MYO10: variants seen among roughly 807,000 people sequenced by gnomAD.
MYO10 encodes the protein unconventional myosin-X.
MYO10 carries 133 observed loss-of-function variants against 257.3 expected under a neutral mutation model. The observed-to-expected ratio is 0.52, with a 90% confidence interval of 0.45 to 0.60. The LOEUF (loss-of-function observed/expected upper bound fraction) is 0.60. MYO10 is among the 20% of genes least tolerant of loss of function. MYO10 has a pLI of 0.00. For synonymous variants in MYO10, 1,104 were observed against 1,028.6 expected, an observed-to-expected ratio of 1.07 and a Z score of -1.40; for missense variants, 2,399 against 2,635.7, an observed-to-expected ratio of 0.91 and a Z score of 1.97.
In MYO10 at chr5:16,694,531, G is replaced by A; in HGVS notation, c.3640C>T (p.Leu1214Phe). The A allele has an allele frequency of 6.2e-7, 1 of 1,613,974 alleles. No individual in the cohort carries two copies. The highest frequency in any genetic ancestry group is 1.6e-4 in the Middle Eastern group (1 of 6,062). ...FLWFRSKQEA[L>F]KQGWLHKKGG... ...TTTTTGTGGAGCCAGCCTTGCTTGAGGGCCTCCTGCTTGGAGCGGAACCAC... is the reference window on the plus strand; with the variant it reads ...TTTTTGTGGAGCCAGCCTTGCTTGAAGGCCTCCTGCTTGGAGCGGAACCAC... The change falls in exon 27 of 41, where the codon CTC becomes TTC. Residue 1214 changes from leucine (L) to phenylalanine (F), a missense_variant. Physicochemically the swap from Leu to Phe is conservative, Grantham distance 22. Around this residue, in one of 3 missense-constraint regions of MYO10, gnomAD observed 1,820 missense variants for 1,939.4 expected, o/e 0.94. Coordinates refer to ENST00000513610, the MANE Select transcript of MYO10 (RefSeq NM_012334.3).
chr5:16,703,281 T>C (rs1738170879), intron 22 of MYO10, 123 bp from the exon 23 acceptor site: 3 of 715,188 alleles, frequency 4.2e-6, no homozygotes, highest in Admixed American at 2.9e-5. Flanking sequence ...ACTCTCATTA[T>C]GGAAACTGGA....
intron 2 of MYO10, among the ~76,000 whole-genome samples, chr5:16,849,113 G>A (rs902656395): frequency 1.3e-5 from 2 of 152,060 alleles, no homozygotes; most frequent in Admixed American, 6.6e-5. Flanking sequence ...GAGCCACGGC[G>A]CCTGGCAATT....
At chr5:16,777,338 C>A (rs776861427) in intron 9 of MYO10, among the ~76,000 whole-genome samples, 1 of 152,134 alleles carries the variant, frequency 6.6e-6, no homozygotes, top group Non-Finnish European at 1.5e-5. Context: ...GGAAAACAAT[C>A]ATGTATATAG....
rs1579768314 is a variant in MYO10 at position 16,662,626 on chromosome 5, C to CTA, written c.*4064_*4065dup. The CTA allele has an allele frequency of 4.6e-5, 7 of 152,132 alleles. 1 individual carries two copies. Among genetic ancestry groups the CTA allele is most frequent in the Admixed American group, 3.9e-4 (6 of 15,268 alleles). The allele number at this position is 152,132 out of a possible 1,614,324, so 9.4% of individuals were successfully genotyped here. On this transcript the variant is annotated 3_prime_UTR_variant, in exon 41 of 41. Transcript: ENST00000513610. ...CGTGAGCCAGCATGCCTGGCTGAAA[C>CTA]TATTTTTACAGAGAACTTAGGTGGT...
Position 16,817,998 on chromosome 5 carries a change from G to A in MYO10, c.279+11C>T. ...GAGGATCTTTTTAAAGGAATTACAA[G>A]TGGAACTTACATATATTTGATTTCT... On this transcript the variant is annotated intron_variant, in intron 3 of 40. Coordinates refer to ENST00000513610, the MANE Select transcript of MYO10 (RefSeq NM_012334.3). 4.0e-6 allele frequency: 6 copies of A among 1,515,512 alleles called. No individual in the cohort carries two copies. Among genetic ancestry groups the A allele is most frequent in the Non-Finnish European group, 4.5e-6 (5 of 1,118,144 alleles). The allele number at this position is 1,515,512 out of a possible 1,614,324, so 93.9% of individuals were successfully genotyped here.
chr5:16,749,088 T>C (rs1271513704), intron 19 of MYO10, among the ~76,000 whole-genome samples: 1 of 152,158 alleles, frequency 6.6e-6, no homozygotes, highest in Non-Finnish European at 1.5e-5. Flanking sequence ...TCACTTGATA[T>C]TCCATTTTCC....
intron 21 of MYO10, 136 bp downstream of exon 21, chr5:16,710,772 T>A: frequency 1.4e-6 from 1 of 714,322 alleles, no homozygotes; most frequent in Non-Finnish European, 2.3e-6. Flanking sequence ...AAGGTTATGG[T>A]AGGCATGGCA....
chr5:16,775,944 G>A (rs1741198246), intron 9 of MYO10, among the ~76,000 whole-genome samples: 1 of 151,928 alleles, frequency 6.6e-6, no homozygotes, highest in Non-Finnish European at 1.5e-5. Context: ...CGCCCAGGCT[G>A]GAGTGCAGTG....
intron 21 of MYO10, among the ~76,000 whole-genome samples, chr5:16,707,780 T>C (rs978919294): frequency 1.1e-4 from 16 of 152,170 alleles, no homozygotes; most frequent in African/African-American, 3.9e-4. Context: ...CCGTGAAGCA[T>C]CCGACAGGCC....
intron 2 of MYO10, among the ~76,000 whole-genome samples, chr5:16,869,463 C>T (rs1344745942): frequency 1.3e-5 from 2 of 152,058 alleles, no homozygotes; most frequent in African/African-American, 4.8e-5. Context: ...GTAGTCCTAG[C>T]TACTCAGGAG....
intron 2 of MYO10, among the ~76,000 whole-genome samples, chr5:16,821,438 ATTTTCTTTTTT>A (rs1742807949): frequency 1.9e-4 from 14 of 73,236 alleles, no homozygotes; most frequent in African/African-American, 6.3e-4. Flanking sequence ...CTTTCCTCCT[ATTTTCTTTTTT>A]TTTTTTTTTT....
At chr5:16,725,611 A>G (rs1025804995) in intron 19 of MYO10, among the ~76,000 whole-genome samples, 3 of 152,156 alleles carry the variant, frequency 2.0e-5, no homozygotes, top group Non-Finnish European at 4.4e-5. Context: ...CTCAGCTAAT[A>G]TTTCCACAAC....
chr5:16,757,276 C>T (rs1482383592), intron 18 of MYO10, among the ~76,000 whole-genome samples: 2 of 136,536 alleles, frequency 1.5e-5, no homozygotes, highest in Non-Finnish European at 3.0e-5. Flanking sequence ...GGTGACAGAA[C>T]AAGACCCTGT....
intron 10 of MYO10, among the ~76,000 whole-genome samples, chr5:16,768,664 C>CTTTTTTTTTTTTTTTTTTT (rs34950225): frequency 1.4e-5 from 1 of 70,140 alleles, no homozygotes. Flanking sequence ...TTTCTCTTTT[C>CTTTTTTTTTTTTTTTTTTT]TTTTTTTTTT....
At chr5:16,675,890 A>G (rs1736699536) in intron 34 of MYO10, 141 bp downstream of exon 34, 9 of 1,029,502 alleles carry the variant, frequency 8.7e-6, no homozygotes, top group Non-Finnish European at 1.3e-5. Flanking sequence ...GAATCTAAGT[A>G]TATTTCATCT....
intron 4 of MYO10, among the ~76,000 whole-genome samples, chr5:16,790,280 T>C (rs932115268): frequency 6.6e-6 from 1 of 152,150 alleles, no homozygotes; most frequent in Non-Finnish European, 1.5e-5. Flanking sequence ...AGCTGTTGAA[T>C]GCTGGTCCTC....
chr5:16,681,514 A>G lies in MYO10; in HGVS notation c.4190-11T>C. 5 of 1,595,072 alleles carry G rather than the reference A, an allele frequency of 3.1e-6. No homozygotes were observed. Among genetic ancestry groups the G allele is most frequent in the Non-Finnish European group, 4.3e-6 (5 of 1,172,122 alleles). ...CTTTGTGCAACCATCCTGGAAAAAA[A>G]GATTAAAGTGTAAATTAAAATCTGT... On this transcript the variant is annotated splice_polypyrimidine_tract_variant and intron_variant, in intron 31 of 40. Coordinates refer to ENST00000513610, the MANE Select transcript of MYO10 (RefSeq NM_012334.3).
chr5:16,694,524 T>A lies in MYO10; in HGVS notation c.3647A>T (p.Gln1216Leu), dbSNP rs781143141. Reference protein sequence around the residue: ...WFRSKQEALKQGWLHKKGGGS... With the variant: ...WFRSKQEALKLGWLHKKGGGS... ...CCCCCCTTTTTTGTGGAGCCAGCCT[T>A]GCTTGAGGGCCTCCTGCTTGGAGCG... The change falls in exon 27 of 41, where the codon CAA becomes CTA. Residue 1216 changes from glutamine (Q) to leucine (L), a missense_variant. Physicochemically the swap from Gln to Leu is moderately radical, Grantham distance 113. This residue lies in a region of MYO10 where 1,820 missense variants were observed against 1,939.4 expected (regional missense o/e 0.94). Coordinates refer to ENST00000513610, the MANE Select transcript of MYO10 (RefSeq NM_012334.3). 6.2e-7 allele frequency: 1 copy of A among 1,613,924 alleles called. No individual in the cohort carries two copies. Among genetic ancestry groups the A allele is most frequent in the Non-Finnish European group, 8.5e-7 (1 of 1,179,898 alleles).
intron 26 of MYO10, among the ~76,000 whole-genome samples, chr5:16,695,517 T>C (rs1334961024): frequency 6.7e-6 from 1 of 149,728 alleles, no homozygotes; most frequent in Non-Finnish European, 1.5e-5. Flanking sequence ...GGTATAAGAC[T>C]GAGACTATGA....
Sources: gnomAD v4.1 joint callset for allele counts (sites outside exome capture counted in the v4.1 genomes callset) on GRCh38, gnomAD v4.1.1 for gene constraint, gnomAD v4.1.1 regional missense constraint, MANE v1.5 for transcripts, NCBI Gene and HGNC (gene_info 2026-07-23, HGNC 2026-07-21) for gene names.